Variants in DLG2 observed in about 807,000 individuals in gnomAD.
The protein encoded by DLG2 is disks large homolog 2.
A neutral mutation model predicts 132.5 loss-of-function variants in DLG2; 45 were observed. The observed-to-expected ratio is 0.34, with a 90% CI of 0.27 to 0.44. The LOEUF (loss-of-function observed/expected upper bound fraction) is 0.44. Among genes scored for constraint, DLG2 ranks in the 20% least tolerant of loss-of-function variants. The pLI, the probability that DLG2 is intolerant of heterozygous loss-of-function variation, is 1.00. For missense variants in DLG2, 1,045 were observed against 1,196.9 expected (o/e 0.87, Z 1.87); for synonymous variants, 424 against 419.6 (o/e 1.01, Z -0.13).
chr11:83,480,609 C>T (rs780712533), intron 22 of DLG2: 1 of 1,557,116 alleles, frequency 6.4e-7, no homozygotes, highest in Non-Finnish European at 8.7e-7. Context: ...GAACCCGCTG[C>T]TTGATTGCTG....
rs545607263 is a variant in DLG2 at position 85,386,687 on chromosome 11, T to C, written c.41-101322A>G. 2.7e-4 allele frequency among the ~76,000 whole-genome samples: 41 copies of C among 152,046 alleles called. No homozygotes were observed. In the South Asian group the frequency reaches 7.9e-3, roughly 29 times the overall value. On this transcript the variant is annotated intron_variant, in intron 3 of 27. Coordinates refer to ENST00000376104, the MANE Select transcript of DLG2 (RefSeq NM_001142699.3). The stretch of plus-strand genomic sequence containing the variant: ...GTATTTTCTCTTCATTAAATAACTA[T>C]GGTATATCCTTTAAAAGAAAGGAGC...
At chr11:83,785,202 C>T (rs984913291) in intron 18 of DLG2, among the ~76,000 whole-genome samples, 1 of 151,970 alleles carries the variant, frequency 6.6e-6, no homozygotes, top group Non-Finnish European at 1.5e-5. Context: ...CTACAGGTGC[C>T]AGCTACCACA....
intron 11 of DLG2, among the ~76,000 whole-genome samples, chr11:84,028,145 C>G (rs1167401642): frequency 1.3e-5 from 2 of 151,272 alleles, no homozygotes; most frequent in Non-Finnish European, 2.9e-5. Context: ...TTTACAATAA[C>G]AGCAACAAAA....
intron 2 of DLG2, among the ~76,000 whole-genome samples, chr11:85,624,073 CCTT>C (rs972783386): frequency 1.1e-4 from 16 of 152,076 alleles, no homozygotes; most frequent in African/African-American, 3.9e-4. Flanking sequence ...GGAAAAAAAA[CCTT>C]CTATGAGGAA....
intron 3 of DLG2, among the ~76,000 whole-genome samples, chr11:85,589,159 AGTGACACTGTCAC>A (rs2079148608): frequency 6.6e-6 from 1 of 152,208 alleles, no homozygotes; most frequent in African/African-American, 2.4e-5. Context: ...TTATGCTAGC[AGTGACACTGTCAC>A]GTGGACAGAT....
At chr11:84,080,860 C>T (rs898959954) in intron 10 of DLG2, among the ~76,000 whole-genome samples, 2 of 151,870 alleles carry the variant, frequency 1.3e-5, no homozygotes, top group African/African-American at 4.8e-5. Flanking sequence ...GGCGTGGTGG[C>T]GGACACCTGT....
intron 3 of DLG2, among the ~76,000 whole-genome samples, chr11:85,485,785 C>T (rs556459936): frequency 2.5e-4 from 38 of 152,292 alleles, no homozygotes; most frequent in Admixed American, 7.2e-4. Flanking sequence ...TCGCTCCAGA[C>T]GGGGAACCCA....
chr11:85,581,376 G>A (rs2078508151), intron 3 of DLG2, among the ~76,000 whole-genome samples: 4 of 151,970 alleles, frequency 2.6e-5, no homozygotes, highest in Admixed American at 2.6e-4. Flanking sequence ...ACTTTCAGAG[G>A]CCGAGGCAGA....
intron 17 of DLG2, among the ~76,000 whole-genome samples, chr11:83,800,207 T>C (rs2043987187): frequency 6.6e-6 from 1 of 152,198 alleles, no homozygotes; most frequent in South Asian, 2.1e-4. Context: ...GTTCCAGTCA[T>C]GCTGTTAGCT....
intron 5 of DLG2, among the ~76,000 whole-genome samples, chr11:85,148,151 A>G (rs928649962): frequency 3.9e-5 from 6 of 152,068 alleles, no homozygotes; most frequent in African/African-American, 1.4e-4. Context: ...TCCAGTCTGT[A>G]ATTGATGGGC....
chr11:83,991,054 T>C (rs1427273417), intron 11 of DLG2, among the ~76,000 whole-genome samples: 3 of 152,182 alleles, frequency 2.0e-5, no homozygotes, highest in Admixed American at 6.6e-5. Context: ...ATCTCTTCCT[T>C]TTTAGAAAGA....
At position 84,749,356 on chromosome 11, in the gene DLG2, TA is replaced by T. The variant is rs201049918; in HGVS notation, c.358-214626del. Among the ~76,000 whole-genome samples the T allele has an allele frequency of 4.0e-3, 612 of 152,332 alleles. 18 individuals are homozygous for T. Among genetic ancestry groups the T allele is most frequent in the Admixed American group, 0.033 (510 of 15,300 alleles). On this transcript the variant is annotated intron_variant, in intron 6 of 27. Transcript: ENST00000376104. Reference sequence around the variant, plus strand: ...AACCTCTATAGCCACCCCTGGGATATAAATGTTATCATGTGCTGCCATAACA... The same window carrying T: ...AACCTCTATAGCCACCCCTGGGATATAATGTTATCATGTGCTGCCATAACA...
intron 19 of DLG2, among the ~76,000 whole-genome samples, chr11:83,592,801 A>G (rs2097210211): frequency 6.7e-6 from 1 of 149,414 alleles, no homozygotes; most frequent in African/African-American, 2.5e-5. Flanking sequence ...TTACAAGAAA[A>G]AAACAAACAA....
chr11:83,540,197 TAAATC>T (rs1341550244), intron 20 of DLG2, among the ~76,000 whole-genome samples: 2 of 152,144 alleles, frequency 1.3e-5, no homozygotes, highest in African/African-American at 4.8e-5. Context: ...TCAAAATAAT[TAAATC>T]AAAGCAAACC....
intron 4 of DLG2, among the ~76,000 whole-genome samples, chr11:85,255,144 T>A (rs1211879337): frequency 6.6e-6 from 1 of 152,176 alleles, no homozygotes; most frequent in Non-Finnish European, 1.5e-5. Context: ...TCATTTAACA[T>A]CTCAAGCACA....
At chr11:84,887,678 C>G (rs945046768) in intron 6 of DLG2, among the ~76,000 whole-genome samples, 1 of 152,040 alleles carries the variant, frequency 6.6e-6, no homozygotes. Flanking sequence ...TATCAAGTAC[C>G]ACCTTTTGAT....
intron 21 of DLG2, among the ~76,000 whole-genome samples, chr11:83,525,137 A>G (rs1054373392): frequency 6.6e-6 from 1 of 152,212 alleles, no homozygotes; most frequent in African/African-American, 2.4e-5. Context: ...ACATAAAATA[A>G]TATGAACTTT....
chr11:84,790,504 G>A (rs1325396062), intron 6 of DLG2, among the ~76,000 whole-genome samples: 1 of 152,102 alleles, frequency 6.6e-6, no homozygotes, highest in Non-Finnish European at 1.5e-5. Flanking sequence ...TAGATGTGTA[G>A]TTTGCAAATA....
At chr11:85,210,770 G>A (rs1280617402) in intron 4 of DLG2, among the ~76,000 whole-genome samples, 1 of 151,996 alleles carries the variant, frequency 6.6e-6, no homozygotes, top group Non-Finnish European at 1.5e-5. Context: ...TAGGCAACTT[G>A]GGCTCAGGAA....
Sources: gnomAD v4.1 joint callset for allele counts (sites outside exome capture counted in the v4.1 genomes callset) on GRCh38, gnomAD v4.1.1 for gene constraint, MANE v1.5 for transcripts, NCBI Gene and HGNC (gene_info 2026-07-23, HGNC 2026-07-21) for gene names.